The following WDR25 variants were observed in gnomAD, a reference collection of about 807,000 sequenced individuals.
The protein encoded by WDR25 is WD repeat-containing protein 25.
A neutral mutation model predicts 47.7 loss-of-function variants in WDR25; 35 were observed. The ratio of observed to expected loss-of-function variants is 0.73; its 90% CI spans 0.56 to 0.97. The LOEUF is 0.97. Among genes scored for constraint, WDR25 ranks in the 50% least tolerant of loss-of-function variants. The pLI, the probability that WDR25 is intolerant of heterozygous loss-of-function variation, is 0.00. For synonymous variants in WDR25, 248 were observed against 278.9 expected, an observed-to-expected ratio of 0.89 and a Z score of 1.10; for missense variants, 634 against 704.7, an observed-to-expected ratio of 0.90 and a Z score of 1.14.
intron 2 of WDR25, among the ~76,000 whole-genome samples, chr14:100,403,167 A>G (rs971599718): frequency 6.6e-6 from 1 of 152,202 alleles, no homozygotes; most frequent in African/African-American, 2.4e-5. Context: ...CTGATTTTTT[A>G]AGAATAGAAA....
rs547329939 is a variant in WDR25 at position 100,404,473 on chromosome 14, A to G, written c.822+22727A>G. Among the ~76,000 whole-genome samples the G allele has an allele frequency of 2.6e-5, 4 of 152,194 alleles. No homozygotes were observed. The East Asian group carries it at 7.7e-4, about 29-fold the overall frequency. On this transcript the variant is annotated intron_variant, in intron 2 of 6. Coordinates refer to ENST00000402312, the MANE Select transcript of WDR25 (RefSeq NM_001161476.3). The surrounding 1 kb of genome is among the most constrained non-coding windows in gnomAD (Gnocchi z 4.6). ...ATGTGGTTTTCACCTTGACCTTACC[A>G]CCATGGGAGGCAGAGCGCACACCCC... is the stretch of plus-strand genomic sequence containing the variant.
rs1323522656 is a variant in WDR25, at chr14:100,498,939, T to C, written c.1101+14815T>C. 9.9e-5 allele frequency among the ~76,000 whole-genome samples: 15 copies of C among 152,160 alleles called. No homozygotes were observed. On this transcript the variant is annotated intron_variant, in intron 4 of 6. Transcript: ENST00000402312. This position sits in a 1 kb window ranked among gnomAD's most constrained non-coding sequence, Gnocchi z 4.2. Reference sequence around the variant, plus strand: ...TGTGAGCCGATGAGAGGGCTTGTCGTGGGGTCCCCCTGTGACTTGGGTGCA... The same window carrying C: ...TGTGAGCCGATGAGAGGGCTTGTCGCGGGGTCCCCCTGTGACTTGGGTGCA...
At chr14:100,480,688 T>G (rs1157157146) in intron 3 of WDR25, among the ~76,000 whole-genome samples, 1 of 152,230 alleles carries the variant, frequency 6.6e-6, no homozygotes, top group Non-Finnish European at 1.5e-5. Context: ...ACAGTGTTTT[T>G]CTAATCTGTT....
Position 100,449,996 on chromosome 14 carries a change from C to T in WDR25, c.823-18025C>T, listed in dbSNP as rs1004175954. Among the ~76,000 whole-genome samples, 2 of 152,208 alleles carry T rather than the reference C, an allele frequency of 1.3e-5. No homozygotes were observed. The highest frequency in any genetic ancestry group is 1.9e-4 in the East Asian group (1 of 5,200). ...GGCATTCAGTGCGTCCACAGTCCGG[C>T]GGCCCAGGCCTGCTCTCTCCCCTCT... is the stretch of plus-strand genomic sequence containing the variant. On this transcript the variant is annotated intron_variant, in intron 2 of 6. Coordinates refer to ENST00000402312, the MANE Select transcript of WDR25 (RefSeq NM_001161476.3). The surrounding 1 kb of genome is among the most constrained non-coding windows in gnomAD (Gnocchi z 4.2).
intron 2 of WDR25, among the ~76,000 whole-genome samples, chr14:100,394,125 C>A (rs1485032778): frequency 6.6e-6 from 1 of 152,226 alleles, no homozygotes; most frequent in East Asian, 1.9e-4. Flanking sequence ...TCTGTGATTG[C>A]CTCCTAAGCC....
intron 4 of WDR25, among the ~76,000 whole-genome samples, chr14:100,512,145 C>T (rs1901331485): frequency 6.6e-6 from 1 of 152,102 alleles, no homozygotes; most frequent in Admixed American, 6.6e-5. Context: ...CATTTCTCAT[C>T]AATTTTCTGG....
chr14:100,503,264 G>C (rs187801604), intron 4 of WDR25, among the ~76,000 whole-genome samples: 1 of 152,110 alleles, frequency 6.6e-6, no homozygotes, highest in South Asian at 2.1e-4. Context: ...TTTAAAGCGT[G>C]TCCCCTGGGA....
chr14:100,399,656 C>T (rs532864426), intron 2 of WDR25, among the ~76,000 whole-genome samples: 1 of 152,340 alleles, frequency 6.6e-6, no homozygotes, highest in African/African-American at 2.4e-5. Context: ...CCGGATGCTT[C>T]TAACGATGAT....
Position 100,515,292 on chromosome 14 carries a change from T to G in WDR25, c.1102-10578T>G, listed in dbSNP as rs532433831. On this transcript the variant is annotated intron_variant, in intron 4 of 6. Transcript: ENST00000402312. ...CTGTGGGTTTACAGTTTAATCAAAT[T>G]TGGAAAATTTTTGCTCGTAGTTTTT... 5.0e-4 allele frequency among the ~76,000 whole-genome samples: 76 copies of G among 152,298 alleles called. No homozygotes were observed. The South Asian group carries it at 5.2e-3, about 10-fold the overall frequency.
chr14:100,529,986 T>C lies in WDR25; in HGVS notation c.1580T>C (p.Leu527Pro). The change falls in exon 7 of 7, where the codon CTG becomes CCG. Residue 527 changes from leucine (L) to proline (P), a missense_variant. Leu to Pro is a moderately conservative substitution (Grantham distance 98). Transcript: ENST00000402312. This position sits in a 1 kb window ranked among gnomAD's most constrained non-coding sequence, Gnocchi z 5.1. The stretch of plus-strand genomic sequence containing the variant: ...GTCGGCACCACCTATCACCCCGTGC[T>C]GCCCTCCGTCCTCGCCACCTGCTCC... ...ACVGTTYHPVLPSVLATCSWG... is the reference protein window; with the variant it reads ...ACVGTTYHPVPPSVLATCSWG... 6.2e-7 allele frequency: 1 copy of C among 1,613,408 alleles called. No homozygotes were observed. The highest frequency in any genetic ancestry group is 2.2e-5 in the East Asian group (1 of 44,864).
chr14:100,395,971 TG>T (rs371421600), intron 2 of WDR25, among the ~76,000 whole-genome samples: 4 of 148,356 alleles, frequency 2.7e-5, no homozygotes, highest in South Asian at 2.1e-4. Flanking sequence ...ATCTGTGAAA[TG>T]TTTTTTTTTT....
In WDR25 at chr14:100,473,846, C is replaced by T. The variant is rs117029771; in HGVS notation, c.970+5678C>T. 5.3e-4 allele frequency among the ~76,000 whole-genome samples: 81 copies of T among 152,302 alleles called. No homozygotes were observed. In the East Asian group the frequency reaches 0.015, roughly 28 times the overall value. On this transcript the variant is annotated intron_variant, in intron 3 of 6. Transcript: ENST00000402312. ...GCTTCTCCGTTCTTTGGCTTTCTGG[C>T]ACTGTGGCTGGAGTTTCGCTAGCGT...
intron 3 of WDR25, among the ~76,000 whole-genome samples, chr14:100,469,334 A>T (rs1566925452): frequency 6.6e-6 from 1 of 152,100 alleles, no homozygotes; most frequent in East Asian, 1.9e-4. Context: ...TCAGTAGGGG[A>T]GGGGACAGTA....
At chr14:100,475,587 G>T (rs531192976) in intron 3 of WDR25, among the ~76,000 whole-genome samples, 159 of 152,268 alleles carry the variant, frequency 1.0e-3, no homozygotes, top group Non-Finnish European at 1.6e-3. Flanking sequence ...AGTTGATCTC[G>T]TAGAAGCGTT....
Position 100,459,920 on chromosome 14 carries a change from A to G in WDR25, c.823-8101A>G, listed in dbSNP as rs1215333447. Among the ~76,000 whole-genome samples the G allele has an allele frequency of 6.8e-3, 721 of 105,578 alleles. 57 individuals are homozygous for G. The highest frequency in any genetic ancestry group is 0.027 in the African/African-American group (660 of 24,760). The allele number at this position is 105,578 out of a possible 152,430, so 69.3% of individuals were successfully genotyped here. On this transcript the variant is annotated intron_variant, in intron 2 of 6. Coordinates refer to ENST00000402312, the MANE Select transcript of WDR25 (RefSeq NM_001161476.3). The stretch of plus-strand genomic sequence containing the variant: ...TATATATATATATATATATATATAT[A>G]TATATATATATATATATATACACAT...
intron 2 of WDR25, among the ~76,000 whole-genome samples, chr14:100,448,493 C>T (rs1898914777): frequency 1.3e-5 from 2 of 152,086 alleles, no homozygotes; most frequent in South Asian, 4.1e-4. Flanking sequence ...GAGTCATGGG[C>T]CTGCTAACTT....
chr14:100,524,082 A>G (rs1041568250), intron 4 of WDR25, among the ~76,000 whole-genome samples: 1 of 151,910 alleles, frequency 6.6e-6, no homozygotes, highest in East Asian at 1.9e-4. Context: ...CTTTTATGAC[A>G]CCCTAATGAA....
intron 2 of WDR25, among the ~76,000 whole-genome samples, chr14:100,443,096 G>C (rs1216531956): frequency 6.6e-6 from 1 of 152,212 alleles, no homozygotes; most frequent in Non-Finnish European, 1.5e-5. Flanking sequence ...GTGGAAACCT[G>C]GGCCTGCTCT....
chr14:100,433,545 C>T (rs1898404387), intron 2 of WDR25, among the ~76,000 whole-genome samples: 2 of 152,108 alleles, frequency 1.3e-5, no homozygotes, highest in Non-Finnish European at 2.9e-5. Context: ...TCCTGTTATT[C>T]CTCAACCTCT....
Sources: allele counts gnomAD v4.1 joint callset (sites outside exome capture counted in the v4.1 genomes callset), GRCh38; gene constraint gnomAD v4.1.1; non-coding constraint Gnocchi (gnomAD v3.1); transcripts MANE v1.5; gene names NCBI Gene and HGNC (gene_info 2026-07-23, HGNC 2026-07-21).